ZFHX3: variants seen among roughly 807,000 people sequenced by gnomAD.
ZFHX3 encodes the protein zinc finger homeobox 3.
A neutral mutation model predicts 279.1 loss-of-function variants in ZFHX3; 42 were observed. The observed-to-expected ratio is 0.15, with a 90% CI of 0.12 to 0.19. ZFHX3 has a LOEUF of 0.19. ZFHX3 is among the 10% of genes least tolerant of loss of function. The pLI, the probability that ZFHX3 is intolerant of heterozygous loss-of-function variation, is 1.00. For synonymous variants in ZFHX3, 2,293 were observed against 1,957.8 expected (o/e 1.17, Z -4.52); for missense variants, 4,981 against 4,754.0 (o/e 1.05, Z -1.40).
intron 2 of ZFHX3, among the ~76,000 whole-genome samples, chr16:73,473,589 CTT>C (rs1007429342): frequency 6.6e-6 from 1 of 152,190 alleles, no homozygotes; most frequent in Non-Finnish European, 1.5e-5. Flanking sequence ...CACCCACTGA[CTT>C]ATTCCGTGGA....
intron 4 of ZFHX3, among the ~76,000 whole-genome samples, chr16:72,854,271 T>G (rs2143854074): frequency 6.6e-6 from 1 of 152,344 alleles, no homozygotes; most frequent in South Asian, 2.1e-4. Context: ...GCCTCCCATG[T>G]TTGAGGATTC....
chr16:73,750,371 G>A (rs1292087605), intron 1 of ZFHX3, among the ~76,000 whole-genome samples: 3 of 152,202 alleles, frequency 2.0e-5, no homozygotes, highest in Non-Finnish European at 4.4e-5. Context: ...TCAAGAAAGA[G>A]AGGGGAAGAT....
chr16:73,211,823 CT>C (rs1376826762), intron 5 of ZFHX3, among the ~76,000 whole-genome samples: 3 of 151,828 alleles, frequency 2.0e-5, no homozygotes, highest in Admixed American at 6.6e-5. Flanking sequence ...AACCAGGAGT[CT>C]TGGGGATGGA....
At chr16:73,786,505 T>G (rs950420642) in intron 1 of ZFHX3, among the ~76,000 whole-genome samples, 3 of 152,184 alleles carry the variant, frequency 2.0e-5, no homozygotes, top group Non-Finnish European at 4.4e-5. Context: ...TCTGTACATC[T>G]TTTATCTTGG....
At chr16:73,520,761 T>C (rs2019596208) in intron 2 of ZFHX3, among the ~76,000 whole-genome samples, 1 of 152,230 alleles carries the variant, frequency 6.6e-6, no homozygotes, top group Non-Finnish European at 1.5e-5. Flanking sequence ...CATATATTTA[T>C]TTAGCACCTA....
chr16:73,270,394 G>C (rs2014107627), intron 4 of ZFHX3, among the ~76,000 whole-genome samples: 1 of 152,194 alleles, frequency 6.6e-6, no homozygotes. Context: ...GACCACTGAT[G>C]TGCGTGGAGA....
intron 1 of ZFHX3, among the ~76,000 whole-genome samples, chr16:73,713,014 T>C (rs995197405): frequency 9.2e-5 from 14 of 152,180 alleles, no homozygotes; most frequent in African/African-American, 3.1e-4. Flanking sequence ...AGCCTGGTAA[T>C]GGGCTGATCT....
chr16:73,090,029 A>G (rs1966053579), intron 8 of ZFHX3, among the ~76,000 whole-genome samples: 1 of 152,010 alleles, frequency 6.6e-6, no homozygotes, highest in African/African-American at 2.4e-5. Context: ...AACAATATCA[A>G]CCCCTCCAGG....
intron 7 of ZFHX3, among the ~76,000 whole-genome samples, chr16:73,129,115 G>A (rs1966627110): frequency 6.6e-6 from 1 of 152,160 alleles, no homozygotes; most frequent in South Asian, 2.1e-4. Flanking sequence ...GCCTGGTGCG[G>A]AGGGGCACAC....
At chr16:73,455,293 G>A (rs1162210929) in intron 3 of ZFHX3, among the ~76,000 whole-genome samples, 1 of 152,122 alleles carries the variant, frequency 6.6e-6, no homozygotes, top group Non-Finnish European at 1.5e-5. Flanking sequence ...CTCAGAGTTT[G>A]GAAAAAGTGG....
At chr16:73,713,492 C>G (rs1435088098) in intron 1 of ZFHX3, among the ~76,000 whole-genome samples, 1 of 152,184 alleles carries the variant, frequency 6.6e-6, no homozygotes. Flanking sequence ...TAGAAGCACC[C>G]AACTGTCCAT....
At chr16:73,235,554 G>A (rs565383415) in intron 5 of ZFHX3, among the ~76,000 whole-genome samples, 8 of 152,308 alleles carry the variant, frequency 5.3e-5, no homozygotes, top group African/African-American at 1.4e-4. Flanking sequence ...GAAATGGACC[G>A]GAGAGGCACT....
Position 72,787,183 on chromosome 16 carries a change from G to A in ZFHX3, c.11093C>T (p.Thr3698Met), listed in dbSNP as rs1458157669. 4 of 1,597,332 alleles carry A rather than the reference G, an allele frequency of 2.5e-6. No individual in the cohort carries two copies. The highest frequency in any genetic ancestry group is 3.4e-6 in the Non-Finnish European group (4 of 1,168,950). The change falls in exon 10 of 10, where the codon ACG becomes ATG. Residue 3698 changes from threonine (T) to methionine (M), a missense_variant. Transcript: ENST00000268489. ...CAAAGCTTACAATCTGAAGGTGTCC[G>A]TTCCTACACTGGTCAGACCACTGTC... ...PKDSGLTSVG[T>M]DTFRL
At chr16:73,408,021 A>G (rs1308024900) in intron 3 of ZFHX3, among the ~76,000 whole-genome samples, 3 of 148,208 alleles carry the variant, frequency 2.0e-5, no homozygotes, top group South Asian at 2.2e-4. Context: ...GGGGAGGCCA[A>G]GAGGAGGGGA....
intron 1 of ZFHX3, among the ~76,000 whole-genome samples, chr16:73,040,933 C>T (rs1187353263): frequency 2.0e-5 from 3 of 152,214 alleles, no homozygotes; most frequent in African/African-American, 7.2e-5. Flanking sequence ...CAAAGTCACA[C>T]AGCTCAGGCC....
intron 1 of ZFHX3, among the ~76,000 whole-genome samples, chr16:72,987,636 A>C (rs900477374): frequency 6.6e-6 from 1 of 152,166 alleles, no homozygotes; most frequent in Non-Finnish European, 1.5e-5. Flanking sequence ...ACCTACTCCC[A>C]AACACACAGA....
At chr16:73,327,683 T>C (rs1256467769) in intron 3 of ZFHX3, among the ~76,000 whole-genome samples, 4 of 152,250 alleles carry the variant, frequency 2.6e-5, no homozygotes, top group Non-Finnish European at 5.9e-5. Flanking sequence ...ATACCAACTT[T>C]ATGTCAAGAA....
rs1469160168 is a variant in ZFHX3 at position 73,105,466 on chromosome 16, C to T, written c.-896-11868G>A. 8.6e-5 allele frequency among the ~76,000 whole-genome samples: 11 copies of T among 127,980 alleles called. No homozygotes were observed. The East Asian group carries it at 2.3e-3, about 27-fold the overall frequency. 84.0% of individuals were successfully genotyped at this position (127,980 alleles called of 152,430 possible). On this transcript the variant is annotated intron_variant, in intron 7 of 17. Coordinates refer to the ZFHX3 transcript ENST00000641206. ...ACACATATATATATATATTTTTTCC[C>T]CCAGGCCAGGCGTGCTGGCTCACAC...
intron 2 of ZFHX3, among the ~76,000 whole-genome samples, chr16:73,618,326 C>A (rs1331163827): frequency 6.6e-6 from 1 of 152,116 alleles, no homozygotes; most frequent in East Asian, 1.9e-4. Context: ...TTCTATCTCA[C>A]CACAAATGCA....
Sources: allele counts gnomAD v4.1 joint callset (sites outside exome capture counted in the v4.1 genomes callset), GRCh38; gene constraint gnomAD v4.1.1; transcripts MANE v1.5; gene names NCBI Gene and HGNC (gene_info 2026-07-23, HGNC 2026-07-21).